MYPN: variants seen among roughly 807,000 people sequenced by gnomAD.
MYPN encodes myopalladin, also known as sarcomeric protein myopalladin, 145 kDa (MYOP).
Under a neutral mutation model 129.4 loss-of-function variants are expected in MYPN, and 63 were observed. The observed-to-expected ratio is 0.49, with a 90% CI of 0.40 to 0.60. MYPN has a LOEUF of 0.60. MYPN is among the 20% of genes least tolerant of loss of function. The pLI, the probability that MYPN is intolerant of heterozygous loss-of-function variation, is 0.00. For synonymous variants in MYPN, 629 were observed against 600.9 expected (o/e 1.05, Z -0.68); for missense variants, 1,596 against 1,635.4 (o/e 0.98, Z 0.42).
rs60452214 is a variant in MYPN, at chr10:68,128,914, T to C, written c.902+6574T>C. ...ATTGAAGAAACCAATTATGTCTTGA[T>C]GTCACTAAATCTTAAAGAGTGAGGG... is the stretch of plus-strand genomic sequence containing the variant. On this transcript the variant is annotated intron_variant, in intron 2 of 19. Coordinates refer to ENST00000358913, the MANE Select transcript of MYPN (RefSeq NM_032578.4). Among the ~76,000 whole-genome samples the C allele has an allele frequency of 9.7e-3, 1,472 of 152,252 alleles. 85 individuals are homozygous for C. In the South Asian group the frequency reaches 0.12, roughly 13 times the overall value.
At chr10:68,142,840 C>A in intron 2 of MYPN, 100 bp from the exon 3 acceptor site, 1 of 1,151,038 alleles carries the variant, frequency 8.7e-7, no homozygotes, top group Non-Finnish European at 1.3e-6. Context: ...TGTTGTTGTT[C>A]TGACTTCAAA....
At chr10:68,195,429 T>A in intron 14 of MYPN, 21 bp from the exon 15 acceptor site, 1 of 1,609,782 alleles carries the variant, frequency 6.2e-7, no homozygotes, top group Non-Finnish European at 8.5e-7. Flanking sequence ...GTTTTAATCT[T>A]GCTCTTTTTC....
chr10:68,181,419 A>G (rs540457262), intron 12 of MYPN, among the ~76,000 whole-genome samples: 1 of 152,014 alleles, frequency 6.6e-6, no homozygotes, highest in African/African-American at 2.4e-5. Context: ...CCTCCTGAGT[A>G]GCTGGGACTG....
chr10:68,195,611 C>A, intron 15 of MYPN, 79 bp downstream of exon 15: 1 of 1,167,330 alleles, frequency 8.6e-7, no homozygotes, highest in Non-Finnish European at 1.3e-6. Flanking sequence ...AGTACTGGAT[C>A]CACAAATTCT....
At chr10:68,194,656 C>A in intron 14 of MYPN, 144 bp downstream of exon 14, 3 of 944,888 alleles carry the variant, frequency 3.2e-6, no homozygotes, top group Non-Finnish European at 3.3e-6. Context: ...GTAACTAGGG[C>A]ACAGCATCAC....
intron 12 of MYPN, among the ~76,000 whole-genome samples, chr10:68,183,424 T>C (rs970991301): frequency 6.6e-6 from 1 of 151,914 alleles, no homozygotes; most frequent in African/African-American, 2.4e-5. Context: ...ATCACACCGC[T>C]GCACTCCAGC....
At chr10:68,135,408 T>A (rs2042471407) in intron 2 of MYPN, 1 of 867,682 alleles carries the variant, frequency 1.2e-6, no homozygotes, top group Non-Finnish European at 1.4e-6. Context: ...AAATTCAACA[T>A]AACTTTATTA....
intron 13 of MYPN, 132 bp from the exon 14 acceptor site, chr10:68,194,231 T>C: frequency 1.1e-6 from 1 of 895,152 alleles, no homozygotes; most frequent in East Asian, 2.8e-5. Context: ...GTTTTATAAC[T>C]TTTTTTCAAG....
intron 1 of MYPN, among the ~76,000 whole-genome samples, chr10:68,091,204 A>T (rs2041929717): frequency 6.6e-6 from 1 of 152,058 alleles, no homozygotes; most frequent in Non-Finnish European, 1.5e-5. Context: ...TCTTGTGAGC[A>T]TTGGCCTGGG....
intron 1 of MYPN, among the ~76,000 whole-genome samples, chr10:68,115,444 C>A (rs1015489191): frequency 6.6e-6 from 1 of 152,024 alleles, no homozygotes; most frequent in South Asian, 2.1e-4. Flanking sequence ...TCTTTCACAT[C>A]CCACTTTTAA....
chr10:68,135,519 AAG>A, intron 2 of MYPN: 2 of 983,734 alleles, frequency 2.0e-6, no homozygotes, highest in Non-Finnish European at 2.4e-6. Flanking sequence ...AAATGTGAGT[AAG>A]CAAATGTACT....
chr10:68,156,030 A>C (rs2042867048), intron 6 of MYPN, among the ~76,000 whole-genome samples: 2 of 152,236 alleles, frequency 1.3e-5, no homozygotes, highest in Admixed American at 1.3e-4. Flanking sequence ...ATCCTTTTGC[A>C]AGCAGGGCTT....
rs775857947 is a variant in MYPN, at chr10:68,142,922, A to T, written c.903-18A>T. 2.0e-5 allele frequency: 32 copies of T among 1,613,192 alleles called. No homozygotes were observed. The South Asian group carries it at 2.1e-4, about 11-fold the overall frequency. On this transcript the variant is annotated intron_variant, in intron 2 of 19. Transcript: ENST00000358913. ...TGCATTTGAGTCATGTCCAATGACC[A>T]TATCCTTTTCCCTGCAGGTGGTACT...
Position 68,199,374 on chromosome 10 carries a change from G to A in MYPN, c.3292G>A (p.Gly1098Ser). 1 of 1,613,936 alleles carries A rather than the reference G, an allele frequency of 6.2e-7. No homozygotes were observed. The highest frequency in any genetic ancestry group is 1.1e-5 in the South Asian group (1 of 91,064). The change falls in exon 17 of 20, where the codon GGT (glycine) becomes AGT (serine). Residue 1098 changes from glycine (G) to serine (S), a missense_variant. Transcript: ENST00000358913. ...CTGTTCTGTTGTTTATTAGGTGAGT[G>A]GTTTACCGCCCCCGGAGCTGACATG... Reference protein sequence around the residue: ...RLCRLDCKVSGLPPPELTWLL... With the variant: ...RLCRLDCKVSSLPPPELTWLL...
intron 6 of MYPN, among the ~76,000 whole-genome samples, chr10:68,155,312 T>A (rs146966886): frequency 3.3e-5 from 5 of 152,306 alleles, no homozygotes; most frequent in African/African-American, 1.2e-4. Context: ...AAGTAAAATG[T>A]CAAATGGCCA....
chr10:68,149,779 G>A (rs1023648312), intron 5 of MYPN, among the ~76,000 whole-genome samples: 1 of 152,052 alleles, frequency 6.6e-6, no homozygotes, highest in African/African-American at 2.4e-5. Context: ...GAGGTTTAGG[G>A]TTAATGACAT....
chr10:68,207,497 A>G (rs561117773), intron 19 of MYPN, among the ~76,000 whole-genome samples: 96 of 152,250 alleles, frequency 6.3e-4, no homozygotes, highest in African/African-American at 2.2e-3. Context: ...TGAACAGCCA[A>G]TGTTTTCTTG....
chr10:68,146,265 T>G (rs1227360986), intron 4 of MYPN, among the ~76,000 whole-genome samples: 4 of 152,210 alleles, frequency 2.6e-5, no homozygotes, highest in Non-Finnish European at 5.9e-5. Context: ...TCCTCTTCAC[T>G]CCTTTGTTCA....
chr10:68,182,471 T>TACAACATATATATATATAACATATAC (rs2043350773), intron 12 of MYPN, among the ~76,000 whole-genome samples: 6 of 104,672 alleles, frequency 5.7e-5, no homozygotes, highest in Non-Finnish European at 9.9e-5. Flanking sequence ...ATAACATATA[T>TACAACATATATATATATAACATATAC]ACACACACAC....
Sources: allele counts gnomAD v4.1 joint callset (sites outside exome capture counted in the v4.1 genomes callset), GRCh38; gene constraint gnomAD v4.1.1; transcripts MANE v1.5; gene names NCBI Gene and HGNC (gene_info 2026-07-23, HGNC 2026-07-21).